The following ASRGL1 variants were observed in gnomAD, a reference collection of about 807,000 sequenced individuals.
ASRGL1 encodes isoaspartyl peptidase/L-asparaginase.
A neutral mutation model predicts 22.4 loss-of-function variants in ASRGL1; 16 were observed. That is an observed-to-expected ratio of 0.71 (90% CI 0.48 to 1.08). The LOEUF is 1.08. Ranked by LOEUF, ASRGL1 falls within the 50% of genes least tolerant of loss-of-function variation. The probability of loss-of-function intolerance (pLI) is 0.00; values close to 1 mark genes in which losing one functional copy is unlikely to be tolerated. For synonymous variants in ASRGL1, 165 were observed against 159.3 expected (o/e 1.04, Z -0.27); for missense variants, 412 against 410.1 (o/e 1.00, Z -0.04).
Position 62,388,448 on chromosome 11 carries a change from C to A in ASRGL1, c.492-685C>A, listed in dbSNP as rs137902411. The stretch of plus-strand genomic sequence containing the variant: ...TTGGGAGTCCAAGGCAGGCGTATCA[C>A]CTGAGCTCAGAGGTTTGAGACCAGC... On this transcript the variant is annotated intron_variant, in intron 4 of 6. Transcript: ENST00000415229. 4.6e-3 allele frequency among the ~76,000 whole-genome samples: 696 copies of A among 152,146 alleles called. 9 individuals are homozygous for A. Among genetic ancestry groups the A allele is most frequent in the African/African-American group, 0.016 (667 of 41,494 alleles).
At chr11:62,399,321 C>T in the ASRGL1 span, among the ~76,000 whole-genome samples, 2 of 152,216 alleles carry the variant, frequency 1.3e-5, no homozygotes, top group Non-Finnish European at 2.9e-5. Context: ...CCACACTCGC[C>T]TCCTTAGCAT....
intron 4 of ASRGL1, 46 bp downstream of exon 4, chr11:62,357,190 T>C (rs1487018256): frequency 6.3e-7 from 1 of 1,581,502 alleles, no homozygotes; most frequent in Non-Finnish European, 8.6e-7. Flanking sequence ...TATTAAAATA[T>C]GAAAGTTTGG....
downstream of ASRGL1, among the ~76,000 whole-genome samples, chr11:62,397,720 T>C (rs888239831): frequency 1.3e-5 from 2 of 151,746 alleles, no homozygotes; most frequent in Non-Finnish European, 2.9e-5. Context: ...TGAATATCAC[T>C]ATTAAAATCT....
intron 2 of ASRGL1, among the ~76,000 whole-genome samples, chr11:62,350,327 C>A (rs1355754632): frequency 6.6e-6 from 1 of 152,176 alleles, no homozygotes; most frequent in East Asian, 1.9e-4. Context: ...TTTATTTAAA[C>A]ATTCACCCGG....
At chr11:62,395,819 T>G (rs1413645275), downstream of ASRGL1, among the ~76,000 whole-genome samples, 1 of 132,232 alleles carries the variant, frequency 7.6e-6, no homozygotes, top group African/African-American at 2.7e-5. Flanking sequence ...TCACCCAGGC[T>G]GGAGTGCAGT....
rs147687673 is a variant in ASRGL1, at chr11:62,390,159, A to T, written c.610+908A>T. On this transcript the variant is annotated intron_variant, in intron 5 of 6. Coordinates refer to ENST00000415229, the MANE Select transcript of ASRGL1 (RefSeq NM_001083926.2). ...CCAAACTGTGCCTGGTCAGTAGTGC[A>T]GCTTGCTTCAGCTGCGTTCAGACCA... is the stretch of plus-strand genomic sequence containing the variant. 7.3e-3 allele frequency among the ~76,000 whole-genome samples: 1,113 copies of T among 152,330 alleles called. 5 individuals carry two copies. The highest frequency in any genetic ancestry group is 0.011 in the Non-Finnish European group (763 of 68,030).
chr11:62,351,668 T>G (rs982489782), intron 2 of ASRGL1, among the ~76,000 whole-genome samples: 2 of 150,054 alleles, frequency 1.3e-5, no homozygotes, highest in African/African-American at 2.5e-5. Context: ...AAAAAAATCG[T>G]TTTTTTTGGT....
Position 62,392,388 on chromosome 11 carries a change from G to C in ASRGL1, c.*104G>C. 1 of 1,370,624 alleles carries C rather than the reference G, an allele frequency of 7.3e-7. No homozygotes were observed. The allele number at this position is 1,370,624 out of a possible 1,614,324, so 84.9% of individuals were successfully genotyped here. A position where few individuals can be genotyped will look rare whatever the true frequency, so the allele number is the denominator to read the frequency against. On this transcript the variant is annotated 3_prime_UTR_variant, in exon 7 of 7. Transcript: ENST00000415229. ...GATCTAGAATTGGAAAAATTGTCCC[G>C]TCTGTCACTTGTTTTGTTGCCTTAA...
At chr11:62,364,744 CT>C (rs1345200374) in intron 4 of ASRGL1, among the ~76,000 whole-genome samples, 11 of 152,130 alleles carry the variant, frequency 7.2e-5, no homozygotes, top group Non-Finnish European at 1.5e-4. Context: ...ACTACATGAT[CT>C]CACTTAAATA....
Position 62,356,340 on chromosome 11 carries a change from T to G in ASRGL1, c.206T>G (p.Leu69Trp). Residue 69 changes from leucine (L) to tryptophan (W), a missense_variant, in exon 3 of 7, where the codon TTG becomes TGG. Coordinates refer to ENST00000415229, the MANE Select transcript of ASRGL1 (RefSeq NM_001083926.2). ...TTGGTTTTAGGTTGTGGGTCTGTCT[T>G]GAACACAAATGGTGAGGTTGAAATG... ...PEFNAGCGSV[L>W]NTNGEVEMDA... 3 of 1,614,198 alleles carry G rather than the reference T, an allele frequency of 1.9e-6. No homozygotes were observed. The highest frequency in any genetic ancestry group is 1.1e-5 in the South Asian group (1 of 91,086).
intron 2 of ASRGL1, among the ~76,000 whole-genome samples, chr11:62,341,747 A>G (rs1945868362): frequency 6.6e-6 from 1 of 152,174 alleles, no homozygotes; most frequent in South Asian, 2.1e-4. Flanking sequence ...ATACAGTTCC[A>G]TGACAGAGAC....
intron 4 of ASRGL1, among the ~76,000 whole-genome samples, chr11:62,375,045 C>T (rs1946876865): frequency 1.3e-5 from 2 of 151,844 alleles, no homozygotes; most frequent in African/African-American, 4.8e-5. Flanking sequence ...CTGGGCAGAG[C>T]TGGACTTAGA....
intron 4 of ASRGL1, among the ~76,000 whole-genome samples, chr11:62,375,482 T>TATATATATCTA (rs1565169632): frequency 1.4e-5 from 1 of 70,914 alleles, no homozygotes; most frequent in Non-Finnish European, 3.0e-5. Context: ...ATATATATAT[T>TATATATATCTA]TCTTGGAGTA....
chr11:62,375,722 A>G (rs1036241303), intron 4 of ASRGL1, among the ~76,000 whole-genome samples: 1 of 151,476 alleles, frequency 6.6e-6, no homozygotes, highest in Non-Finnish European at 1.5e-5. Flanking sequence ...TGACTGCCCA[A>G]ATTAAGGGCG....
downstream of ASRGL1, among the ~76,000 whole-genome samples, chr11:62,397,438 G>T (rs1300179534): frequency 1.3e-5 from 2 of 152,104 alleles, no homozygotes; most frequent in Non-Finnish European, 1.5e-5. Flanking sequence ...GGCTGAAGCG[G>T]GCAGATCACC....
At chr11:62,337,834 C>T (rs191395423) in intron 1 of ASRGL1, 56 bp from the exon 2 acceptor site, 2 of 870,822 alleles carry the variant, frequency 2.3e-6, no homozygotes, top group Non-Finnish European at 3.3e-6. Flanking sequence ...CGCCCCTACC[C>T]ACCCCCAGCT....
At position 62,359,206 on chromosome 11, in the gene ASRGL1, G is replaced by A. The variant is rs188748320; in HGVS notation, c.491+2062G>A. 1.3e-4 allele frequency among the ~76,000 whole-genome samples: 20 copies of A among 152,182 alleles called. No individual in the cohort carries two copies. The South Asian group carries it at 2.3e-3, about 17-fold the overall frequency. Reference sequence around the variant, plus strand: ...AAATGTAATTTGACATTTTCTAGTGGCCACATCCACAGTGGATCACATCTG... The same window carrying A: ...AAATGTAATTTGACATTTTCTAGTGACCACATCCACAGTGGATCACATCTG... On this transcript the variant is annotated intron_variant, in intron 4 of 6. Transcript: ENST00000415229.
intron 4 of ASRGL1, among the ~76,000 whole-genome samples, chr11:62,368,508 C>T (rs1036852686): frequency 6.6e-6 from 1 of 152,112 alleles, no homozygotes; most frequent in African/African-American, 2.4e-5. Context: ...GTGGCCTGCC[C>T]CTCCACACCT....
the ASRGL1 span, among the ~76,000 whole-genome samples, chr11:62,399,615 T>C: frequency 1.3e-5 from 2 of 152,192 alleles, no homozygotes; most frequent in Admixed American, 6.5e-5. Context: ...AGGGTCTGCC[T>C]GCAGCGGGCT....
Sources: allele counts gnomAD v4.1 joint callset (sites outside exome capture counted in the v4.1 genomes callset), GRCh38; gene constraint gnomAD v4.1.1; transcripts MANE v1.5; gene names NCBI Gene and HGNC (gene_info 2026-07-23, HGNC 2026-07-21).